The following SPACA7 variants were observed in gnomAD, a reference collection of about 807,000 sequenced individuals.
SPACA7 encodes sperm acrosome-associated protein 7.
Under a neutral mutation model 26.3 loss-of-function variants are expected in SPACA7, and 19 were observed. That is an observed-to-expected ratio of 0.72 (90% CI 0.50 to 1.06). SPACA7 has a LOEUF of 1.06. Among genes scored for constraint, SPACA7 ranks in the 50% least tolerant of loss-of-function variants. The probability of loss-of-function intolerance (pLI) is 0.00; values close to 1 mark genes in which losing one functional copy is unlikely to be tolerated. For synonymous variants in SPACA7, 84 were observed against 84.5 expected, an observed-to-expected ratio of 0.99 and a Z score of 0.04; for missense variants, 211 against 229.9, an observed-to-expected ratio of 0.92 and a Z score of 0.53.
At chr13:112,407,363 A>G (rs1332083624) in intron 5 of SPACA7, among the ~76,000 whole-genome samples, 2 of 152,220 alleles carry the variant, frequency 1.3e-5, no homozygotes, top group Non-Finnish European at 2.9e-5. Flanking sequence ...GAAATAACTA[A>G]GATCAGAGCA....
At chr13:112,390,090 C>G (rs1332892342) in intron 1 of SPACA7, among the ~76,000 whole-genome samples, 1 of 150,660 alleles carries the variant, frequency 6.6e-6, no homozygotes, top group Non-Finnish European at 1.5e-5. Flanking sequence ...GCTCCAGGGA[C>G]TGTTGGGAGT....
chr13:112,395,316 G>T (rs1483216075), intron 2 of SPACA7, among the ~76,000 whole-genome samples: 5 of 152,230 alleles, frequency 3.3e-5, no homozygotes, highest in Admixed American at 1.3e-4. Flanking sequence ...GTCGATGATG[G>T]ATGCATTCCT....
intron 5 of SPACA7, 122 bp from the exon 6 acceptor site, chr13:112,432,322 T>G: frequency 1.4e-6 from 1 of 702,982 alleles, no homozygotes; most frequent in Non-Finnish European, 2.5e-6. Context: ...CTCACCCCGC[T>G]TGCTCTGTGC....
At chr13:112,405,903 G>C (rs183780489) in intron 5 of SPACA7, among the ~76,000 whole-genome samples, 1 of 152,172 alleles carries the variant, frequency 6.6e-6, no homozygotes, top group African/African-American at 2.4e-5. Context: ...GCATCGAAAA[G>C]ATACTTTCTT....
intron 4 of SPACA7, 95 bp downstream of exon 4, chr13:112,399,268 A>G: frequency 1.3e-6 from 1 of 748,782 alleles, no homozygotes; most frequent in East Asian, 2.6e-5. Flanking sequence ...TCCTTCCTGG[A>G]GGATAAACCC....
At chr13:112,411,870 G>A (rs1225568753) in intron 5 of SPACA7, among the ~76,000 whole-genome samples, 5 of 151,990 alleles carry the variant, frequency 3.3e-5, no homozygotes, top group Admixed American at 6.6e-5. Flanking sequence ...TTGATACCAC[G>A]TTTGGTCTAT....
intron 5 of SPACA7, among the ~76,000 whole-genome samples, chr13:112,431,889 G>A (rs1013971718): frequency 1.3e-5 from 2 of 152,342 alleles, no homozygotes; most frequent in Admixed American, 1.3e-4. Flanking sequence ...GCCGGTTTGG[G>A]GGGACTTGGA....
chr13:112,384,994 A>C (rs1033722484), intron 1 of SPACA7, among the ~76,000 whole-genome samples: 13 of 152,202 alleles, frequency 8.5e-5, no homozygotes, highest in African/African-American at 3.1e-4. Flanking sequence ...AACTTTTAGA[A>C]ACCTTTACAA....
chr13:112,411,246 T>A (rs1301392602), intron 5 of SPACA7, among the ~76,000 whole-genome samples: 1 of 152,154 alleles, frequency 6.6e-6, no homozygotes, highest in African/African-American at 2.4e-5. Context: ...TACAACTTTT[T>A]AAATGTCCCT....
chr13:112,420,633 C>T (rs989599555), intron 5 of SPACA7, among the ~76,000 whole-genome samples: 12 of 151,874 alleles, frequency 7.9e-5, no homozygotes, highest in Admixed American at 2.0e-4. Flanking sequence ...GATAAAGAGA[C>T]GAGAGAGAGC....
chr13:112,401,890 T>G (rs1885668608), intron 5 of SPACA7, among the ~76,000 whole-genome samples: 1 of 152,166 alleles, frequency 6.6e-6, no homozygotes, highest in African/African-American at 2.4e-5. Flanking sequence ...ACACACAAAG[T>G]TTTTCTGTAT....
Position 112,422,404 on chromosome 13 carries a change from C to T in SPACA7, c.446-10040C>T, listed in dbSNP as rs914053391. Among the ~76,000 whole-genome samples, 14 of 152,164 alleles carry T rather than the reference C, an allele frequency of 9.2e-5. No homozygotes were observed. In the East Asian group the frequency reaches 2.5e-3, roughly 27 times the overall value. ...ATAAAAGAAATAGACAGAATAAGGACATAAAAGGCCAAAACAACATTTTTA... is the reference window on the plus strand; with the variant it reads ...ATAAAAGAAATAGACAGAATAAGGATATAAAAGGCCAAAACAACATTTTTA... On this transcript the variant is annotated intron_variant, in intron 5 of 6. Coordinates refer to ENST00000283550, the MANE Select transcript of SPACA7 (RefSeq NM_145248.5).
intron 6 of SPACA7, among the ~76,000 whole-genome samples, chr13:112,433,999 C>T (rs1877474997): frequency 6.6e-6 from 1 of 152,198 alleles, no homozygotes; most frequent in Non-Finnish European, 1.5e-5. Flanking sequence ...AGACAGGGGC[C>T]TCTGCACTGA....
intron 1 of SPACA7, among the ~76,000 whole-genome samples, chr13:112,390,287 T>A (rs2138903346): frequency 6.6e-6 from 1 of 152,182 alleles, no homozygotes; most frequent in South Asian, 2.1e-4. Context: ...CCATGGCCAC[T>A]CTGTATGGTT....
intron 5 of SPACA7, among the ~76,000 whole-genome samples, chr13:112,414,149 G>A (rs911449064): frequency 1.4e-4 from 22 of 152,040 alleles, no homozygotes; most frequent in African/African-American, 4.8e-4. Flanking sequence ...AAGGCCCCAC[G>A]TCCAACACTG....
Position 112,414,388 on chromosome 13 carries a change from C to CTTTT in SPACA7, c.445+13261_445+13264dup, listed in dbSNP as rs869183760. 9.6e-4 allele frequency among the ~76,000 whole-genome samples: 30 copies of CTTTT among 31,396 alleles called. 10 individuals are homozygous for CTTTT. The highest frequency in any genetic ancestry group is 3.7e-3 in the East Asian group (3 of 820). 20.6% of individuals were successfully genotyped at this position (31,396 alleles called of 152,430 possible). On this transcript the variant is annotated intron_variant, in intron 5 of 6. Coordinates refer to ENST00000283550, the MANE Select transcript of SPACA7 (RefSeq NM_145248.5). ...AAGTTTCTGAATGGCTTTTCTGTGT[C>CTTTT]TTTTTTTTTTTTTTTTTTTTTTTTT...
intron 2 of SPACA7, among the ~76,000 whole-genome samples, chr13:112,396,127 A>G (rs59645672): frequency 0.064 from 7,002 of 109,496 alleles, 722 homozygotes; most frequent in African/African-American, 0.12. Flanking sequence ...GGTGTCTGCA[A>G]CTTGAGGAGT....
At chr13:112,426,671 T>G (rs1027250558) in intron 5 of SPACA7, among the ~76,000 whole-genome samples, 11 of 152,240 alleles carry the variant, frequency 7.2e-5, no homozygotes, top group African/African-American at 2.7e-4. Flanking sequence ...TGGCACTTTT[T>G]CAAATTCAAT....
intron 1 of SPACA7, among the ~76,000 whole-genome samples, chr13:112,378,420 A>G (rs565673840): frequency 2.6e-5 from 4 of 152,330 alleles, no homozygotes; most frequent in East Asian, 1.9e-4. Context: ...TCTTGTCTCA[A>G]AAATATATCA....
Sources: allele counts gnomAD v4.1 joint callset (sites outside exome capture counted in the v4.1 genomes callset), GRCh38; gene constraint gnomAD v4.1.1; transcripts MANE v1.5; gene names NCBI Gene and HGNC (gene_info 2026-07-23, HGNC 2026-07-21).